Variants in ABCD4 observed in about 807,000 individuals in gnomAD.
ABCD4 encodes the protein ATP binding cassette subfamily D member 4.
ABCD4 carries 53 observed loss-of-function variants against 86.3 expected under a neutral mutation model. The observed-to-expected ratio is 0.61, with a 90% CI of 0.49 to 0.77. The LOEUF (loss-of-function observed/expected upper bound fraction) is 0.77, where lower values mean the gene tolerates loss of function less well. ABCD4 is among the 30% of genes least tolerant of loss of function. ABCD4 has a pLI of 0.00. For missense variants in ABCD4, 757 were observed against 764.5 expected (o/e 0.99, Z 0.12); for synonymous variants, 328 against 313.6 (o/e 1.05, Z -0.49).
chr14:74,296,041 C>T, intron 5 of ABCD4, 62 bp from the exon 6 acceptor site: 1 of 1,540,528 alleles, frequency 6.5e-7, no homozygotes, highest in East Asian at 2.3e-5. Context: ...CCCCACATGC[C>T]TCAGCCCTGA....
At chr14:74,292,988 T>C (rs1169974260) in intron 8 of ABCD4, 119 bp from the exon 9 acceptor site, 6 of 1,501,484 alleles carry the variant, frequency 4.0e-6, no homozygotes, top group Non-Finnish European at 5.5e-6. Flanking sequence ...GGATCCTCAT[T>C]CTCCTGAGGA....
chr14:74,299,637 G>T lies in ABCD4; in HGVS notation c.196C>A (p.Gln66Lys). The T allele has an allele frequency of 6.2e-7, 1 of 1,613,704 alleles. No homozygotes were observed. The highest frequency in any genetic ancestry group is 1.1e-5 in the South Asian group (1 of 91,028). The change falls in exon 3 of 19, where the codon CAG becomes AAG. Residue 66 changes from glutamine to lysine, a missense_variant. By Grantham distance (53) the Gln-to-Lys change is moderately conservative. Transcript: ENST00000356924. ...VIYQVGLIPSQYYGVLGNKDL... is the reference protein window; with the variant it reads ...VIYQVGLIPSKYYGVLGNKDL... Reference sequence around the variant, plus strand: ...TTGTTTCCCAGGACCCCATAGTACTGACTGGGGATCAAGCCAACCTGGTAG... The same window carrying T: ...TTGTTTCCCAGGACCCCATAGTACTTACTGGGGATCAAGCCAACCTGGTAG...
At position 74,297,979 on chromosome 14, in the gene ABCD4, C is replaced by G; in HGVS notation, c.376G>C (p.Gly126Arg). The G allele has an allele frequency of 1.2e-6, 2 of 1,614,036 alleles. No homozygotes were observed. Among genetic ancestry groups the G allele is most frequent in the Non-Finnish European group, 1.7e-6 (2 of 1,180,008 alleles). ...TEHLHRLYFR[G>R]RAYYTLNVLR... ...ACGTTGAGGGTGTAGTACGCACGGC[C>G]CCGGAAGTAGAGGCGGTGAAGGTGC... Residue 126 changes from glycine to arginine, a missense_variant, in exon 4 of 19, where the codon GGC becomes CGC. Physicochemically the swap from Gly to Arg is moderately radical, Grantham distance 125. Transcript: ENST00000356924.
At position 74,290,487 on chromosome 14, in the gene ABCD4, C is replaced by T; in HGVS notation, c.1131G>A (p.Trp377Ter). 1.2e-6 allele frequency: 2 copies of T among 1,613,282 alleles called. No homozygotes were observed. Among genetic ancestry groups the T allele is most frequent in the Non-Finnish European group, 1.7e-6 (2 of 1,179,988 alleles). ...SEWGLDTPPGWPAAEPADTAF... is the reference protein window; with the variant it reads ...SEWGLDTPPG ...CTGTGTCTGCTGGCTCTGCCGCTGG[C>T]CACCCTGGGGGTCTGTGTCAGAGAA... The change falls in exon 12 of 19, where the codon TGG (tryptophan) becomes TGA (stop). Residue 377 changes from tryptophan to a stop codon, truncating the protein, a stop_gained. Transcript: ENST00000356924. LOFTEE classifies it high-confidence loss of function.
rs1418267056 is a variant in ABCD4 at position 74,286,155 on chromosome 14, C to G, written c.*306G>C. 7.5e-6 allele frequency: 2 copies of G among 266,230 alleles called. No individual in the cohort carries two copies. Among genetic ancestry groups the G allele is most frequent in the Admixed American group, 9.9e-5 (2 of 20,196 alleles). The allele number at this position is 266,230 out of a possible 1,614,324, so 16.5% of individuals were successfully genotyped here. ...TTCATTTCTTACAGATCTCACACTT[C>G]CAGATTTCTCTTTAGCAAACATGAT... On this transcript the variant is annotated 3_prime_UTR_variant, in exon 19 of 19. Transcript: ENST00000356924.
rs989964856 is a variant in ABCD4, at chr14:74,286,109, T to C, written c.*352A>G. ...ACTGATTAAAAGATTTCCAGATCTC[T>C]TGACTCCAAGAGTCATTTCTTTCAT... is the stretch of plus-strand genomic sequence containing the variant. On this transcript the variant is annotated 3_prime_UTR_variant, in exon 19 of 19. Coordinates refer to ENST00000356924, the MANE Select transcript of ABCD4 (RefSeq NM_005050.4). 3.6e-5 allele frequency: 7 copies of C among 193,220 alleles called. No homozygotes were observed. Among genetic ancestry groups the C allele is most frequent in the Non-Finnish European group, 7.4e-5 (7 of 95,046 alleles). The allele number at this position is 193,220 out of a possible 1,614,324, so 12.0% of individuals were successfully genotyped here. A position where few individuals can be genotyped will look rare whatever the true frequency, so the allele number is the denominator to read the frequency against.
intron 3 of ABCD4, among the ~76,000 whole-genome samples, chr14:74,298,673 C>T (rs565228420): frequency 2.7e-4 from 41 of 152,182 alleles, no homozygotes; most frequent in Non-Finnish European, 4.3e-4. Context: ...ACCATATTGT[C>T]GATTCCATTT....
chr14:74,298,053 T>C lies in ABCD4; in HGVS notation c.302A>G (p.Gln101Arg). Residue 101 changes from glutamine to arginine, a missense_variant, in exon 4 of 19, where the codon CAG (glutamine) becomes CGG (arginine). Transcript: ENST00000356924. ...VLNSTLKSFDQFTCNLLYVSW... is the reference protein window; with the variant it reads ...VLNSTLKSFDRFTCNLLYVSW... ...CACATACAGCAGGTTGCAGGTGAAC[T>C]GATCAAAGCTCTTCAGCTGTGCAGT... 1 of 1,613,758 alleles carries C rather than the reference T, an allele frequency of 6.2e-7. No homozygotes were observed. Among genetic ancestry groups the C allele is most frequent in the Non-Finnish European group, 8.5e-7 (1 of 1,179,928 alleles).
rs2081905985 is a variant in ABCD4, at chr14:74,292,854, A to T, written c.830T>A (p.Phe277Tyr). 1.9e-6 allele frequency: 3 copies of T among 1,614,176 alleles called. No individual in the cohort carries two copies. In the East Asian group the frequency reaches 6.7e-5, roughly 36 times the overall value. ...ELWLYIGINT[F>Y]DYLGSILSYV... ...ACTCAGGATGCTGCCCAGATAGTCA[A>T]AGGTGTTGATGCCGACTGTAGAAAA... is the stretch of plus-strand genomic sequence containing the variant. The change falls in exon 9 of 19, where the codon TTT becomes TAT. Residue 277 changes from phenylalanine (F) to tyrosine (Y), a missense_variant. Physicochemically the swap from Phe to Tyr is conservative, Grantham distance 22. Coordinates refer to ENST00000356924, the MANE Select transcript of ABCD4 (RefSeq NM_005050.4).
In ABCD4 at chr14:74,293,177, A is replaced by C; in HGVS notation, c.791T>G (p.Met264Arg). ...ACTGTACAGCCAGAGCTCCTTGGAC[A>C]TCAGCTCCCTCTGGGTCTGAAGGAG... ...QRLLQTQREL[M>R]SKELWLYIGI... Residue 264 changes from methionine (M) to arginine (R), a missense_variant, in exon 8 of 19, where the codon ATG becomes AGG. Physicochemically the swap from Met to Arg is moderately conservative, Grantham distance 91 (BLOSUM62 -1). Coordinates refer to ENST00000356924, the MANE Select transcript of ABCD4 (RefSeq NM_005050.4). 1 of 1,614,156 alleles carries C rather than the reference A, an allele frequency of 6.2e-7. No individual in the cohort carries two copies. Among genetic ancestry groups the C allele is most frequent in the Non-Finnish European group, 8.5e-7 (1 of 1,180,008 alleles).
At position 74,295,964 on chromosome 14, in the gene ABCD4, C is replaced by T. The variant is rs752867595; in HGVS notation, c.558G>A (p.Gly186=). ...TGAAATACCCGAAGATGCTCACAGG[C>T]CCGAGCCAGCCTGTGCTGAAATAGA... ...YQCFQSTGWL[G]PVSIFGYFIL... is the part of the protein sequence containing the mutation. Residue 186 remains glycine (G), a synonymous_variant, in exon 6 of 19, where the codon GGG becomes GGA. Coordinates refer to ENST00000356924, the MANE Select transcript of ABCD4 (RefSeq NM_005050.4). 3.1e-6 allele frequency: 5 copies of T among 1,606,820 alleles called. No homozygotes were observed. The highest frequency in any genetic ancestry group is 1.3e-5 in the African/African-American group (1 of 74,372).
chr14:74,298,864 C>CA (rs1285727526), intron 3 of ABCD4, among the ~76,000 whole-genome samples: 1 of 152,240 alleles, frequency 6.6e-6, no homozygotes, highest in Non-Finnish European at 1.5e-5. Flanking sequence ...TGAGTCTCAT[C>CA]ATTTACCATT....
chr14:74,295,286 G>A (rs945051349), intron 6 of ABCD4, 88 bp from the exon 7 acceptor site: 1 of 1,496,000 alleles, frequency 6.7e-7, no homozygotes, highest in Non-Finnish European at 9.2e-7. Context: ...GACCGCCCAA[G>A]CGGAGCCCGG....
chr14:74,287,564 A>G (rs2080128095), intron 17 of ABCD4, among the ~76,000 whole-genome samples: 1 of 151,162 alleles, frequency 6.6e-6, no homozygotes, highest in Admixed American at 6.6e-5. Flanking sequence ...AAAAAAAAAA[A>G]AAAAAAGAAA....
chr14:74,289,542 C>T (rs1378402029), intron 13 of ABCD4, 23 bp from the exon 14 acceptor site: 4 of 1,612,936 alleles, frequency 2.5e-6, no homozygotes, highest in Non-Finnish European at 3.4e-6. Context: ...AAAAACCACA[C>T]CAACCTAGGA....
intron 13 of ABCD4, chr14:74,289,765 T>G (rs4148079): frequency 1.5e-5 from 21 of 1,434,742 alleles, no homozygotes; most frequent in African/African-American, 1.4e-5. Context: ...GAATCCGACC[T>G]TGGGTGTTTG....
rs1018548478 is a variant in ABCD4, at chr14:74,289,412, G to A, written c.1456+71C>T. 8.1e-6 allele frequency: 13 copies of A among 1,598,330 alleles called. No homozygotes were observed. The East Asian group carries it at 1.3e-4, about 17-fold the overall frequency. The stretch of plus-strand genomic sequence containing the variant: ...AGCCTCTCCCCAAGGGCACAGATGA[G>A]GCCACAGTCAGGTAGAGCAGGGACA... On this transcript the variant is annotated intron_variant, in intron 14 of 18. Coordinates refer to ENST00000356924, the MANE Select transcript of ABCD4 (RefSeq NM_005050.4).
chr14:74,302,768 G>C, intron 1 of ABCD4, 107 bp downstream of exon 1: 2 of 1,256,038 alleles, frequency 1.6e-6, no homozygotes, highest in Non-Finnish European at 2.1e-6. Flanking sequence ...TCACGGGGGC[G>C]AGACGGGGGC....
chr14:74,297,720 T>A, intron 4 of ABCD4: 1 of 1,288,688 alleles, frequency 7.8e-7, no homozygotes, highest in Non-Finnish European at 9.8e-7. Context: ...CCACTGCACC[T>A]GGCAGGCTTC....
Sources: allele counts gnomAD v4.1 joint callset (sites outside exome capture counted in the v4.1 genomes callset), GRCh38; gene constraint gnomAD v4.1.1; transcripts MANE v1.5; gene names NCBI Gene and HGNC (gene_info 2026-07-23, HGNC 2026-07-21).